The following GRK5 variants were observed in gnomAD, a reference collection of about 807,000 sequenced individuals.
GRK5 encodes g protein-coupled receptor kinase GRK5.
In GRK5, 40 loss-of-function variants were observed where a neutral mutation model predicts 78.4. That is an observed-to-expected ratio of 0.51 (90% CI 0.40 to 0.66). GRK5 has a LOEUF of 0.66. Among genes scored for constraint, GRK5 ranks in the 30% least tolerant of loss-of-function variants. The probability of loss-of-function intolerance (pLI) is 0.00; values close to 1 mark genes in which losing one functional copy is unlikely to be tolerated. For missense variants in GRK5, 598 were observed against 759.9 expected, an observed-to-expected ratio of 0.79 and a Z score of 2.50; for synonymous variants, 289 against 296.8, an observed-to-expected ratio of 0.97 and a Z score of 0.27.
At chr10:119,329,601 A>C (rs558411078) in intron 2 of GRK5, among the ~76,000 whole-genome samples, 1 of 152,214 alleles carries the variant, frequency 6.6e-6, no homozygotes, top group Admixed American at 6.5e-5. Flanking sequence ...GTGGTGGCGC[A>C]TGCCTGTAAT....
Position 119,238,116 on chromosome 10 carries a change from CCTGA to C in GRK5, c.52+30150_52+30153del, listed in dbSNP as rs1300836613. The stretch of plus-strand genomic sequence containing the variant: ...GTGTGCGTGTTTTTCTGTTTCATGT[CCTGA>C]CTATTTCCTGGGTCCAGAGAGGGTT... On this transcript the variant is annotated intron_variant, in intron 1 of 15. Coordinates refer to ENST00000392870, the MANE Select transcript of GRK5 (RefSeq NM_005308.3). The surrounding 1 kb of genome is among the most constrained non-coding windows in gnomAD (Gnocchi z 4.7). Among the ~76,000 whole-genome samples the C allele has an allele frequency of 2.6e-5, 4 of 152,100 alleles. No individual in the cohort carries two copies. Among genetic ancestry groups the C allele is most frequent in the Non-Finnish European group, 5.9e-5 (4 of 68,036 alleles).
At position 119,399,565 on chromosome 10, in the gene GRK5, G is replaced by C. The variant is rs577256812; in HGVS notation, c.339+2793G>C. 1.4e-4 allele frequency among the ~76,000 whole-genome samples: 22 copies of C among 152,316 alleles called. No individual in the cohort carries two copies. In the South Asian group the frequency reaches 4.1e-3, roughly 29 times the overall value. On this transcript the variant is annotated intron_variant, in intron 4 of 15. Coordinates refer to ENST00000392870, the MANE Select transcript of GRK5 (RefSeq NM_005308.3). Reference sequence around the variant, plus strand: ...GTAGACCATAGGAGAGTGGCCAGTGGAGAAGCTCTGTGAAAAAGAACCCTC... The same window carrying C: ...GTAGACCATAGGAGAGTGGCCAGTGCAGAAGCTCTGTGAAAAAGAACCCTC...
chr10:119,455,296 G>A lies in GRK5; in HGVS notation c.*229G>A. Reference sequence around the variant, plus strand: ...CCGGGGTGGATTGGATTTGTCTTTGGTGAACATTGCAATAGAAATCCAATT... The same window carrying A: ...CCGGGGTGGATTGGATTTGTCTTTGATGAACATTGCAATAGAAATCCAATT... On this transcript the variant is annotated 3_prime_UTR_variant, in exon 16 of 16. Coordinates refer to ENST00000392870, the MANE Select transcript of GRK5 (RefSeq NM_005308.3). 1.4e-6 allele frequency: 1 copy of A among 692,538 alleles called. No homozygotes were observed. The allele number at this position is 692,538 out of a possible 1,614,324, so 42.9% of individuals were successfully genotyped here.
intron 1 of GRK5, among the ~76,000 whole-genome samples, chr10:119,299,794 ATGTGTG>A (rs3981127): frequency 5.6e-4 from 70 of 124,326 alleles, no homozygotes; most frequent in East Asian, 4.0e-3. Context: ...ATTTAAGCAG[ATGTGTG>A]TGTGTGTGTG....
At chr10:119,279,815 A>G (rs1849731803) in intron 1 of GRK5, among the ~76,000 whole-genome samples, 1 of 152,246 alleles carries the variant, frequency 6.6e-6, no homozygotes, top group African/African-American at 2.4e-5. Flanking sequence ...CTAGGGGATC[A>G]TGTGAAAAGT....
rs1853445373 is a variant in GRK5, at chr10:119,459,226, AC to A, written c.*4163del. The A allele has an allele frequency of 6.6e-6, 1 of 152,128 alleles. No individual in the cohort carries two copies. Among genetic ancestry groups the A allele is most frequent in the African/African-American group, 2.4e-5 (1 of 41,402 alleles). The allele number at this position is 152,128 out of a possible 1,614,324, so 9.4% of individuals were successfully genotyped here. A position where few individuals can be genotyped will look rare whatever the true frequency, so the allele number is the denominator to read the frequency against. On this transcript the variant is annotated 3_prime_UTR_variant, in exon 16 of 16. Transcript: ENST00000392870. The stretch of plus-strand genomic sequence containing the variant: ...GATTGCAAAGCCTCCTCTCCCAGAG[AC>A]CCCTTCTGCGCCTGCCCTCCCCACC...
chr10:119,349,938 C>G (rs758794189), intron 2 of GRK5, among the ~76,000 whole-genome samples: 19 of 152,270 alleles, frequency 1.2e-4, no homozygotes, highest in Non-Finnish European at 2.5e-4. Context: ...GTGCAGCTTG[C>G]AAAGCGCTTT....
chr10:119,346,725 T>C (rs76572619), intron 2 of GRK5, among the ~76,000 whole-genome samples: 3,903 of 152,132 alleles, frequency 0.026, 143 homozygotes, highest in East Asian at 0.13. Flanking sequence ...AGGAAGACCA[T>C]ACAGGGACTG....
chr10:119,390,939 C>A (rs538084157), intron 3 of GRK5, among the ~76,000 whole-genome samples: 2 of 152,250 alleles, frequency 1.3e-5, no homozygotes, highest in Non-Finnish European at 2.9e-5. Flanking sequence ...CCTGTCCCCT[C>A]CCTCTGAGAG....
At chr10:119,374,790 A>G (rs1234715477) in intron 2 of GRK5, among the ~76,000 whole-genome samples, 1 of 144,270 alleles carries the variant, frequency 6.9e-6, no homozygotes, top group Non-Finnish European at 1.5e-5. Context: ...GGTGATAGTG[A>G]GTTCTTGTGA....
intron 1 of GRK5, among the ~76,000 whole-genome samples, chr10:119,209,799 G>A (rs1848456923): frequency 6.6e-6 from 1 of 152,114 alleles, no homozygotes; most frequent in Admixed American, 6.6e-5. Flanking sequence ...GGTTCCTCCT[G>A]TTGCCCAGGG....
rs1214800202 is a variant in GRK5, at chr10:119,380,808, T to A, written c.149-7T>A. 1.3e-6 allele frequency: 2 copies of A among 1,578,308 alleles called. No homozygotes were observed. The highest frequency in any genetic ancestry group is 1.7e-6 in the Non-Finnish European group (2 of 1,148,372). ...GTCTCATCACATTCTTCTTTTCTTG[T>A]CTCCAGACAGAGATTACTGCAGTTT... On this transcript the variant is annotated splice_polypyrimidine_tract_variant and splice_region_variant and intron_variant, in intron 2 of 15. Coordinates refer to ENST00000392870, the MANE Select transcript of GRK5 (RefSeq NM_005308.3).
intron 2 of GRK5, among the ~76,000 whole-genome samples, chr10:119,328,199 C>T (rs1850711832): frequency 6.6e-6 from 1 of 152,172 alleles, no homozygotes; most frequent in Admixed American, 6.5e-5. Context: ...GCCGTGTGCA[C>T]CCTTGATGAT....
chr10:119,215,535 A>AG (rs1170029037), intron 1 of GRK5, among the ~76,000 whole-genome samples: 15 of 70,800 alleles, frequency 2.1e-4, no homozygotes, highest in African/African-American at 7.0e-4. Context: ...GAGGAAGGGG[A>AG]GGGGGCTGCA....
chr10:119,450,599 C>A (rs1470320847), intron 13 of GRK5, among the ~76,000 whole-genome samples: 1 of 152,182 alleles, frequency 6.6e-6, no homozygotes, highest in Non-Finnish European at 1.5e-5. Context: ...GTCAGAGCGA[C>A]CAACTGTCCT....
intron 6 of GRK5, among the ~76,000 whole-genome samples, chr10:119,426,130 T>C (rs1852672430): frequency 6.6e-6 from 1 of 152,240 alleles, no homozygotes; most frequent in Non-Finnish European, 1.5e-5. Context: ...CACTGCTGCC[T>C]GCCAGCCCCA....
At chr10:119,303,341 G>C (rs891249145) in intron 1 of GRK5, among the ~76,000 whole-genome samples, 2 of 152,324 alleles carry the variant, frequency 1.3e-5, no homozygotes, top group Admixed American at 6.5e-5. Context: ...TGGAGGTGGA[G>C]GTGTTACCTT....
chr10:119,208,042 G>C (rs1255451120), intron 1 of GRK5, 73 bp downstream of exon 1: 6 of 1,442,938 alleles, frequency 4.2e-6, no homozygotes, highest in Non-Finnish European at 5.7e-6. Context: ...TGGCGTGCGG[G>C]CTGGGGCTGC....
At chr10:119,317,511 G>A (rs546826527) in intron 1 of GRK5, among the ~76,000 whole-genome samples, 25 of 152,242 alleles carry the variant, frequency 1.6e-4, no homozygotes, top group Middle Eastern at 3.4e-3. Context: ...CCTCAAGGCC[G>A]CAGCTGAGCA....
Sources: allele counts gnomAD v4.1 joint callset (sites outside exome capture counted in the v4.1 genomes callset), GRCh38; gene constraint gnomAD v4.1.1; non-coding constraint Gnocchi (gnomAD v3.1); transcripts MANE v1.5; gene names NCBI Gene and HGNC (gene_info 2026-07-23, HGNC 2026-07-21).